MAPKAPK3: variants seen among roughly 807,000 people sequenced by gnomAD.
MAPKAPK3 encodes MAPK activated protein kinase 3, also known as MAP kinase-activated protein kinase 3.
MAPKAPK3 carries 35 observed loss-of-function variants against 49.2 expected under a neutral mutation model. The observed-to-expected ratio is 0.71, with a 90% CI of 0.54 to 0.94. The LOEUF is 0.94. Ranked by LOEUF, MAPKAPK3 falls within the 40% of genes least tolerant of loss-of-function variation. MAPKAPK3 has a pLI of 0.00. For synonymous variants in MAPKAPK3, 178 were observed against 188.7 expected (o/e 0.94, Z 0.46); for missense variants, 398 against 493.1 (o/e 0.81, Z 1.83).
intron 2 of MAPKAPK3, among the ~76,000 whole-genome samples, chr3:50,632,598 C>A (rs1317258646): frequency 6.6e-6 from 1 of 152,244 alleles, no homozygotes. Context: ...GTCTCTCATA[C>A]TGTGAGTTGT....
In MAPKAPK3 at chr3:50,617,771, A is replaced by G. The variant is rs758222981; in HGVS notation, c.206A>G (p.Lys69Arg). ...LECFHRRTGQ[K>R]CALKLLYDSP... ...TGCTTCCATCGGCGCACTGGACAGA[A>G]GTGTGCCCTGAAGGTCAGTGAGCCC... Residue 69 changes from lysine (K) to arginine (R), a missense_variant, in exon 2 of 11, where the codon AAG becomes AGG. By Grantham distance (26) the Lys-to-Arg change is conservative. Transcript: ENST00000621469. 3 of 1,613,310 alleles carry G rather than the reference A, an allele frequency of 1.9e-6. No homozygotes were observed. Among genetic ancestry groups the G allele is most frequent in the Admixed American group, 1.7e-5 (1 of 60,004 alleles).
intron 3 of MAPKAPK3, among the ~76,000 whole-genome samples, chr3:50,641,137 C>T (rs2033168293): frequency 6.6e-6 from 1 of 152,186 alleles, no homozygotes; most frequent in Non-Finnish European, 1.5e-5. Context: ...CTTAATGTAG[C>T]ATTTACCCTG....
chr3:50,638,335 C>T (rs975756041), intron 2 of MAPKAPK3, among the ~76,000 whole-genome samples: 3 of 152,046 alleles, frequency 2.0e-5, no homozygotes, highest in Non-Finnish European at 2.9e-5. Context: ...TAGCTAGGGC[C>T]GCCACAGGAC....
At chr3:50,647,004 T>C in intron 9 of MAPKAPK3, 119 bp from the exon 10 acceptor site, 1 of 1,088,222 alleles carries the variant, frequency 9.2e-7, no homozygotes, top group Non-Finnish European at 1.4e-6. Context: ...TGAGGCTCCT[T>C]CCCCACCCTG....
intron 5 of MAPKAPK3, 46 bp from the exon 6 acceptor site, chr3:50,644,363 T>A (rs368695508): frequency 8.8e-5 from 141 of 1,610,406 alleles, no homozygotes; most frequent in Non-Finnish European, 1.1e-4. Flanking sequence ...GCTCTGCTCC[T>A]GCCTGGTTCC....
intron 2 of MAPKAPK3, among the ~76,000 whole-genome samples, chr3:50,629,621 C>T (rs2032852864): frequency 6.6e-6 from 1 of 152,184 alleles, no homozygotes; most frequent in African/African-American, 2.4e-5. Flanking sequence ...GACCTGGACC[C>T]CTGTGGCTGC....
chr3:50,613,942 CT>C (rs2032399931), upstream of MAPKAPK3: 1 of 152,236 alleles, frequency 6.6e-6, no homozygotes, highest in African/African-American at 2.4e-5. Flanking sequence ...CTTTAAGGTC[CT>C]CAGTGAAGCT....
chr3:50,622,356 T>G (rs2032629620), intron 2 of MAPKAPK3, among the ~76,000 whole-genome samples: 1 of 152,190 alleles, frequency 6.6e-6, no homozygotes, highest in Non-Finnish European at 1.5e-5. Context: ...GGTGACATCT[T>G]TCCTTCTCCA....
intron 2 of MAPKAPK3, among the ~76,000 whole-genome samples, chr3:50,634,419 G>A (rs893052405): frequency 2.6e-5 from 4 of 151,946 alleles, no homozygotes; most frequent in Admixed American, 6.5e-5. Flanking sequence ...GGAGCTCAGG[G>A]AACATAGGAG....
intron 2 of MAPKAPK3, among the ~76,000 whole-genome samples, chr3:50,637,157 A>C (rs1559487674): frequency 6.6e-6 from 1 of 151,884 alleles, no homozygotes; most frequent in East Asian, 1.9e-4. Context: ...TTGGCCATCT[A>C]CCGCCCTCCT....
chr3:50,615,770 C>T (rs1447206151), upstream of MAPKAPK3, among the ~76,000 whole-genome samples: 2 of 152,244 alleles, frequency 1.3e-5, no homozygotes, highest in Non-Finnish European at 2.9e-5. Flanking sequence ...CTTCACTGAA[C>T]ACTGCTAGCT....
chr3:50,641,795 C>T (rs2033182144), intron 4 of MAPKAPK3, 24 bp downstream of exon 4: 1 of 1,603,594 alleles, frequency 6.2e-7, no homozygotes, highest in Non-Finnish European at 8.5e-7. Context: ...GCTGGACCAG[C>T]AGGAGGATTC....
intron 4 of MAPKAPK3, among the ~76,000 whole-genome samples, 153 bp from the exon 5 acceptor site, chr3:50,642,100 A>G (rs1254368898): frequency 6.6e-6 from 1 of 152,112 alleles, no homozygotes; most frequent in Non-Finnish European, 1.5e-5. Context: ...GGGGTGGCGT[A>G]GACATCCCGG....
chr3:50,629,934 G>A (rs537447109), intron 2 of MAPKAPK3, among the ~76,000 whole-genome samples: 55 of 152,316 alleles, frequency 3.6e-4, no homozygotes, highest in Non-Finnish European at 6.6e-4. Context: ...AGAGCTTCCT[G>A]GGAAGACACT....
rs1258557635 is a variant in MAPKAPK3, at chr3:50,648,406, G to GACATCTCCC, written c.*361_*369dup. ...GGCTGGGCTTCCCATCTTCCACAGAGACATCTCCCTGTGGGATGGGCAGAT... is the reference window on the plus strand; with the variant it reads ...GGCTGGGCTTCCCATCTTCCACAGAGACATCTCCCACATCTCCCTGTGGGATGGGCAGAT... On this transcript the variant is annotated 3_prime_UTR_variant, in exon 11 of 11. Coordinates refer to ENST00000621469, the MANE Select transcript of MAPKAPK3 (RefSeq NM_001243925.2). 1 of 183,500 alleles carries GACATCTCCC rather than the reference G, an allele frequency of 5.4e-6. No homozygotes were observed. Among genetic ancestry groups the GACATCTCCC allele is most frequent in the Non-Finnish European group, 1.1e-5 (1 of 87,602 alleles). The allele number at this position is 183,500 out of a possible 1,614,324, so 11.4% of individuals were successfully genotyped here. A position where few individuals can be genotyped will look rare whatever the true frequency, so the allele number is the denominator to read the frequency against.
intron 2 of MAPKAPK3, among the ~76,000 whole-genome samples, chr3:50,629,817 G>T (rs1041585011): frequency 2.0e-5 from 3 of 152,192 alleles, no homozygotes; most frequent in Non-Finnish European, 2.9e-5. Context: ...GTTGTCTGGG[G>T]CTGGTGGGAA....
At position 50,617,510 on chromosome 3, in the gene MAPKAPK3, C is replaced by G. The variant is rs1268159176; in HGVS notation, c.-52-4C>G. ...GCGGGACTCACTCTTCCCCTTTCCC[C>G]CAGGTGCCACTAGAAGCGCCAGGCT... is the stretch of plus-strand genomic sequence containing the variant. On this transcript the variant is annotated splice_region_variant and splice_polypyrimidine_tract_variant and intron_variant, in intron 1 of 10. Transcript: ENST00000621469. The G allele has an allele frequency of 1.2e-6, 1 of 837,918 alleles. No individual in the cohort carries two copies. The highest frequency in any genetic ancestry group is 1.7e-5 in the African/African-American group (1 of 59,370). 51.9% of individuals were successfully genotyped at this position (837,918 alleles called of 1,614,324 possible).
At chr3:50,622,539 A>G (rs1418112544) in intron 2 of MAPKAPK3, among the ~76,000 whole-genome samples, 2 of 152,214 alleles carry the variant, frequency 1.3e-5, no homozygotes, top group African/African-American at 4.8e-5. Context: ...CCTGGCATAT[A>G]TCAGAGATTC....
rs758524278 is a variant in MAPKAPK3 at position 50,647,997 on chromosome 3, A to G, written c.1100A>G (p.Lys367Arg). 6.2e-6 allele frequency: 10 copies of G among 1,613,824 alleles called. No individual in the cohort carries two copies. In the African/African-American group the frequency reaches 8.0e-5, roughly 13 times the overall value. Residue 367 changes from lysine to arginine, a missense_variant, in exon 11 of 11, where the codon AAA becomes AGA. Lys to Arg is a conservative substitution (Grantham distance 26, BLOSUM62 2). Coordinates refer to ENST00000621469, the MANE Select transcript of MAPKAPK3 (RefSeq NM_001243925.2). ...SNNRLLNKRR[K>R]KQAGSSSASQ... ...AACCGGCTCCTCAACAAGAGGAGAA[A>G]AAAGCAGGCAGGCAGCTCCTCTGCC...
Sources: allele counts gnomAD v4.1 joint callset (sites outside exome capture counted in the v4.1 genomes callset), GRCh38; gene constraint gnomAD v4.1.1; transcripts MANE v1.5; gene names NCBI Gene and HGNC (gene_info 2026-07-23, HGNC 2026-07-21).